PRELID2: variants seen among roughly 807,000 people sequenced by gnomAD.
The protein encoded by PRELID2 is PRELI domain containing 2, also known as PRELI domain-containing protein 2.
A neutral mutation model predicts 28.4 loss-of-function variants in PRELID2; 25 were observed. That is an observed-to-expected ratio of 0.88 (90% confidence interval 0.64 to 1.23). The LOEUF is 1.23. Ranked by LOEUF, PRELID2 falls within the 50% of genes most tolerant of loss-of-function variation. The pLI is 0.00. For synonymous variants in PRELID2, 76 were observed against 71.6 expected (o/e 1.06, Z -0.31); for missense variants, 201 against 214.4 (o/e 0.94, Z 0.39).
chr5:145,479,180 TG>T (rs2126614968), intron 1 of PRELID2, among the ~76,000 whole-genome samples: 2 of 152,288 alleles, frequency 1.3e-5, no homozygotes, highest in Admixed American at 6.5e-5. Context: ...TCCTTTCCCT[TG>T]CTCTCTGATC....
At chr5:145,291,286 G>A in the PRELID2 span, among the ~76,000 whole-genome samples, 37,713 of 141,418 alleles carry the variant, frequency 0.27, 5,275 homozygotes, top group Non-Finnish European at 0.3. Context: ...GCAGTGAGCC[G>A]AGATTGCACT....
At chr5:145,434,486 C>A in the PRELID2 span, among the ~76,000 whole-genome samples, 1 of 152,170 alleles carries the variant, frequency 6.6e-6, no homozygotes, top group African/African-American at 2.4e-5. Flanking sequence ...ACAGACACAC[C>A]ATGCTCAGTC....
At chr5:145,642,016 T>C (rs1032064549) in intron 1 of PRELID2, among the ~76,000 whole-genome samples, 1 of 152,198 alleles carries the variant, frequency 6.6e-6, no homozygotes, top group Non-Finnish European at 1.5e-5. Flanking sequence ...TTAAAATCCT[T>C]TGGGTATATA....
chr5:145,596,626 A>C (rs6865168), intron 1 of PRELID2, among the ~76,000 whole-genome samples: 1 of 152,006 alleles, frequency 6.6e-6, no homozygotes, highest in Non-Finnish European at 1.5e-5. Context: ...AAGGATCAAA[A>C]AATGCACAGT....
chr5:145,629,172 G>A (rs1227327516), intron 1 of PRELID2, among the ~76,000 whole-genome samples: 4 of 152,184 alleles, frequency 2.6e-5, no homozygotes, highest in African/African-American at 9.7e-5. Context: ...CTGCCTCCTA[G>A]GCCCTGGAGC....
At chr5:145,388,073 C>T in the PRELID2 span, among the ~76,000 whole-genome samples, 1 of 151,620 alleles carries the variant, frequency 6.6e-6, no homozygotes, top group African/African-American at 2.4e-5. Context: ...CAGAAAAGAA[C>T]ATTCAAGAGA....
intron 1 of PRELID2, among the ~76,000 whole-genome samples, chr5:145,694,917 C>T (rs965224195): frequency 4.6e-5 from 7 of 151,956 alleles, no homozygotes; most frequent in East Asian, 1.9e-4. Flanking sequence ...TATTCACTAA[C>T]GCCAGAACTG....
the PRELID2 span, among the ~76,000 whole-genome samples, chr5:145,299,941 C>G: frequency 6.6e-6 from 1 of 152,116 alleles, no homozygotes; most frequent in Admixed American, 6.6e-5. Flanking sequence ...GGTTTTAAAT[C>G]AATGAGTTGA....
At chr5:145,690,618 G>T (rs1350473932) in intron 1 of PRELID2, among the ~76,000 whole-genome samples, 1 of 152,182 alleles carries the variant, frequency 6.6e-6, no homozygotes, top group Non-Finnish European at 1.5e-5. Flanking sequence ...CGTCATTTGA[G>T]GTCCAAGCTG....
At chr5:145,340,397 G>A in the PRELID2 span, among the ~76,000 whole-genome samples, 4 of 152,236 alleles carry the variant, frequency 2.6e-5, no homozygotes, top group Admixed American at 6.5e-5. Flanking sequence ...GCTGCCCAGT[G>A]GCTGAAGAAC....
chr5:145,342,134 G>A, the PRELID2 span, among the ~76,000 whole-genome samples: 2 of 152,166 alleles, frequency 1.3e-5, no homozygotes, highest in Non-Finnish European at 2.9e-5. Context: ...TAAACTACCA[G>A]CGAAGAATAC....
chr5:145,598,295 G>A (rs556342526), intron 1 of PRELID2, among the ~76,000 whole-genome samples: 6 of 152,132 alleles, frequency 3.9e-5, no homozygotes, highest in Admixed American at 1.3e-4. Flanking sequence ...AAAATTTAGA[G>A]TGGAGAAAGC....
intron 6 of PRELID2, among the ~76,000 whole-genome samples, chr5:145,763,536 G>C (rs144245128): frequency 6.6e-6 from 1 of 152,090 alleles, no homozygotes; most frequent in Non-Finnish European, 1.5e-5. Flanking sequence ...ACAATTCTCC[G>C]AATGATGTTC....
chr5:145,491,372 C>A (rs1447075143), intron 1 of PRELID2, among the ~76,000 whole-genome samples: 1 of 152,054 alleles, frequency 6.6e-6, no homozygotes, highest in Non-Finnish European at 1.5e-5. Context: ...GCTCTGCCTT[C>A]ATGACTAATC....
intron 1 of PRELID2, among the ~76,000 whole-genome samples, chr5:145,557,708 T>C (rs1235146839): frequency 6.6e-6 from 1 of 152,186 alleles, no homozygotes; most frequent in Non-Finnish European, 1.5e-5. Context: ...TTCATTTTAA[T>C]TCTCACACTA....
chr5:145,817,962 A>T lies in PRELID2; in HGVS notation c.300T>A (p.Leu100=). ...TCATGGATGCATACTGTGTCCACGTAAGGCAGTGACTCCGTATGGCCATGT... is the reference window on the plus strand; with the variant it reads ...TCATGGATGCATACTGTGTCCACGTTAGGCAGTGACTCCGTATGGCCATGT... ...ERNMAIRSHC[L]TWTQYASMKE... is the part of the protein sequence containing the mutation. The change falls in exon 4 of 7, where the codon CTT becomes CTA. Residue 100 remains leucine (L), a synonymous_variant. Transcript: ENST00000683046. 1.2e-6 allele frequency: 2 copies of T among 1,606,834 alleles called. No individual in the cohort carries two copies.
At chr5:145,676,208 G>A (rs10476875) in intron 1 of PRELID2, among the ~76,000 whole-genome samples, 2,156 of 107,004 alleles carry the variant, frequency 0.02, 58 homozygotes, top group African/African-American at 0.072. Context: ...CAACAAGAGC[G>A]AAACTCCATC....
chr5:145,832,388 T>A (rs1755650365), intron 1 of PRELID2, among the ~76,000 whole-genome samples: 1 of 152,142 alleles, frequency 6.6e-6, no homozygotes, highest in African/African-American at 2.4e-5. Context: ...TTTCACCATG[T>A]TAGCCAGGCT....
chr5:145,312,748 T>C, the PRELID2 span, among the ~76,000 whole-genome samples: 1 of 152,190 alleles, frequency 6.6e-6, no homozygotes, highest in African/African-American at 2.4e-5. Flanking sequence ...ATTTTCTTTA[T>C]CCATTCATCT....
Sources: gnomAD v4.1 joint callset for allele counts (sites outside exome capture counted in the v4.1 genomes callset) on GRCh38, gnomAD v4.1.1 for gene constraint, MANE v1.5 for transcripts, NCBI Gene and HGNC (gene_info 2026-07-23, HGNC 2026-07-21) for gene names.